The following TYW1B variants were observed in gnomAD, a reference collection of about 807,000 sequenced individuals.
The protein encoded by TYW1B is S-adenosyl-L-methionine-dependent tRNA 4-demethylwyosine synthase TYW1B.
In TYW1B, 73 loss-of-function variants were observed where a neutral mutation model predicts 86.9. That is an observed-to-expected ratio of 0.84 (90% confidence interval 0.70 to 1.02). TYW1B has a LOEUF of 1.02. Among genes scored for constraint, TYW1B ranks in the 50% least tolerant of loss-of-function variants. The pLI is 0.00. For synonymous variants in TYW1B, 248 were observed against 292.8 expected (o/e 0.85, Z 1.56); for missense variants, 637 against 827.4 (o/e 0.77, Z 2.82).
rs1814266690 is a variant in TYW1B, at chr7:72,694,670, G to A, written c.1506+17C>T. ...CTGAGGGTTGTTTATTTATTTTTAA[G>A]ATGTCATAATTCTTACCTTGACTGC... On this transcript the variant is annotated intron_variant, in intron 11 of 13. Transcript: ENST00000620995. The A allele has an allele frequency of 6.3e-7, 1 of 1,588,950 alleles. No homozygotes were observed. Among genetic ancestry groups the A allele is most frequent in the Admixed American group, 1.9e-5 (1 of 51,820 alleles).
At chr7:72,580,905 A>G (rs1441238566) in intron 13 of TYW1B, among the ~76,000 whole-genome samples, 1 of 132,214 alleles carries the variant, frequency 7.6e-6, no homozygotes, top group African/African-American at 2.9e-5. Context: ...GGTTTAGCAG[A>G]CCCAAGAGAG....
At chr7:72,798,317 G>A (rs1363143702) in intron 6 of TYW1B, among the ~76,000 whole-genome samples, 1 of 151,976 alleles carries the variant, frequency 6.6e-6, no homozygotes, top group Non-Finnish European at 1.5e-5. Flanking sequence ...CGTGAACCCA[G>A]GAGGCAGAGC....
At chr7:72,757,291 C>A (rs782608389) in intron 7 of TYW1B, among the ~76,000 whole-genome samples, 1 of 150,716 alleles carries the variant, frequency 6.6e-6, no homozygotes, top group Non-Finnish European at 1.5e-5. Context: ...TCGCTTGAAC[C>A]TGGGAGGCGG....
intron 11 of TYW1B, among the ~76,000 whole-genome samples, chr7:72,667,043 A>AAAAAAAAG (rs1813481384): frequency 6.7e-6 from 1 of 149,054 alleles, no homozygotes; most frequent in Non-Finnish European, 1.5e-5. Flanking sequence ...AAAAAAAAAA[A>AAAAAAAAG]AAAAAAAAGA....
rs180717879 is a variant in TYW1B at position 72,583,396 on chromosome 7, G to A, written c.1786-7677C>T. Among the ~76,000 whole-genome samples the A allele has an allele frequency of 5.8e-3, 887 of 152,218 alleles. 11 individuals are homozygous for A. The highest frequency in any genetic ancestry group is 0.02 in the African/African-American group (841 of 41,534). ...AAAATGGCGGGTTGGGGGTGCAGGGGCGAGCAGCAATATAAGTATGCTATT... is the reference window on the plus strand; with the variant it reads ...AAAATGGCGGGTTGGGGGTGCAGGGACGAGCAGCAATATAAGTATGCTATT... On this transcript the variant is annotated intron_variant, in intron 13 of 13. Coordinates refer to ENST00000620995, the MANE Select transcript of TYW1B (RefSeq NM_001145440.3).
intron 7 of TYW1B, among the ~76,000 whole-genome samples, chr7:72,764,751 A>G (rs1787744161): frequency 6.6e-6 from 1 of 152,236 alleles, no homozygotes; most frequent in South Asian, 2.1e-4. Flanking sequence ...AATCAAGATC[A>G]AGCAAAACTA....
chr7:72,774,579 A>G (rs1787922316), intron 7 of TYW1B, among the ~76,000 whole-genome samples: 1 of 151,846 alleles, frequency 6.6e-6, no homozygotes, highest in Non-Finnish European at 1.5e-5. Flanking sequence ...AAAATTAGCC[A>G]GGCGTGGTAG....
At chr7:72,613,777 T>C (rs1811996853) in intron 13 of TYW1B, among the ~76,000 whole-genome samples, 1 of 151,916 alleles carries the variant, frequency 6.6e-6, no homozygotes, top group Non-Finnish European at 1.5e-5. Context: ...GAGGGGGAAA[T>C]GCTATAAAGG....
At chr7:72,816,617 C>T (rs1554479477) in intron 2 of TYW1B, among the ~76,000 whole-genome samples, 1 of 152,122 alleles carries the variant, frequency 6.6e-6, no homozygotes, top group Non-Finnish European at 1.5e-5. Flanking sequence ...AGGCTCATTG[C>T]CAGAGAAACT....
At chr7:72,798,048 T>C (rs200137508) in intron 6 of TYW1B, among the ~76,000 whole-genome samples, 1 of 123,246 alleles carries the variant, frequency 8.1e-6, no homozygotes, top group Non-Finnish European at 1.8e-5. Flanking sequence ...CGCACACACA[T>C]ATATACATGC....
chr7:72,699,128 G>A (rs1170920191), intron 10 of TYW1B, among the ~76,000 whole-genome samples: 2 of 152,056 alleles, frequency 1.3e-5, no homozygotes, highest in African/African-American at 4.8e-5. Context: ...GATTTTGCTT[G>A]GCAAAATCAT....
chr7:72,746,966 G>C (rs1787406421), intron 7 of TYW1B, among the ~76,000 whole-genome samples: 1 of 152,172 alleles, frequency 6.6e-6, no homozygotes, highest in Non-Finnish European at 1.5e-5. Flanking sequence ...TTTATATAAG[G>C]TGTGAGGTTT....
At chr7:72,670,930 T>C in intron 11 of TYW1B, among the ~76,000 whole-genome samples, 1 of 152,240 alleles carries the variant, frequency 6.6e-6, no homozygotes, top group African/African-American at 2.4e-5. Context: ...TGATGGCCTC[T>C]TAGGTTTGCA....
intron 7 of TYW1B, among the ~76,000 whole-genome samples, chr7:72,747,881 T>C (rs1402094423): frequency 4.7e-4 from 72 of 152,348 alleles, no homozygotes; most frequent in Non-Finnish European, 8.8e-5. Flanking sequence ...TCCAGTCCTG[T>C]GTATGTTTTG....
chr7:72,802,479 C>A lies in TYW1B; in HGVS notation c.767G>T (p.Gly256Val). 12 of 1,613,922 alleles carry A rather than the reference C, an allele frequency of 7.4e-6. No homozygotes were observed. Among genetic ancestry groups the A allele is most frequent in the Non-Finnish European group, 1.0e-5 (12 of 1,179,862 alleles). The change falls in exon 6 of 14, where the codon GGT becomes GTT. Residue 256 changes from glycine (G) to valine (V), a missense_variant. Transcript: ENST00000620995. The part of the protein sequence containing the change: ...FESSSEEEFG[G>V]EDHQSLNSIV... ...GGAATTTAGGCTCTGATGGTCCTCA[C>A]CACCAAACTCTTCTTCACTGGAGCT...
At chr7:72,709,434 C>T (rs1348157654) in intron 10 of TYW1B, among the ~76,000 whole-genome samples, 2 of 152,024 alleles carry the variant, frequency 1.3e-5, no homozygotes, top group Non-Finnish European at 2.9e-5. Flanking sequence ...TTTGGGAGGC[C>T]AAGGCGGGCG....
chr7:72,702,986 C>A lies in TYW1B; in HGVS notation c.1371-8164G>T, dbSNP rs868967633. On this transcript the variant is annotated intron_variant, in intron 10 of 13. Coordinates refer to ENST00000620995, the MANE Select transcript of TYW1B (RefSeq NM_001145440.3). ...TATCATCATTCATCTATCTATCTAT[C>A]TATATATATATATATATATATATAT... Among the ~76,000 whole-genome samples the A allele has an allele frequency of 9.9e-4, 36 of 36,266 alleles. No homozygotes were observed. In the South Asian group the frequency reaches 0.012, roughly 12 times the overall value. The allele number at this position is 36,266 out of a possible 152,430, so 23.8% of individuals were successfully genotyped here.
chr7:72,710,590 C>T lies in TYW1B; in HGVS notation c.1370+3031G>A, dbSNP rs142844097. 6.7e-3 allele frequency among the ~76,000 whole-genome samples: 1,014 copies of T among 152,214 alleles called. 11 individuals are homozygous for T. Among genetic ancestry groups the T allele is most frequent in the African/African-American group, 0.021 (873 of 41,538 alleles). The stretch of plus-strand genomic sequence containing the variant: ...CCTGTAATCCCAGCACTTTGGGAGG[C>T]CGAGGCGGGTGTATCACTTGAGGTC... On this transcript the variant is annotated intron_variant, in intron 10 of 13. Transcript: ENST00000620995.
intron 6 of TYW1B, among the ~76,000 whole-genome samples, chr7:72,781,709 C>T (rs1413145331): frequency 6.6e-6 from 1 of 152,162 alleles, no homozygotes; most frequent in Admixed American, 6.6e-5. Context: ...ACGGCAAAAG[C>T]CAAACTAAAT....
Sources: allele counts gnomAD v4.1 joint callset (sites outside exome capture counted in the v4.1 genomes callset), GRCh38; gene constraint gnomAD v4.1.1; transcripts MANE v1.5; gene names NCBI Gene and HGNC (gene_info 2026-07-23, HGNC 2026-07-21).